The following GABRG2 variants were observed in gnomAD, a reference collection of about 807,000 sequenced individuals.
GABRG2 encodes gamma-aminobutyric acid receptor subunit gamma-2.
GABRG2 carries 16 observed loss-of-function variants against 56.4 expected under a neutral mutation model. The observed-to-expected ratio is 0.28, with a 90% CI of 0.19 to 0.43. The LOEUF (loss-of-function observed/expected upper bound fraction) is 0.43, where lower values mean the gene tolerates loss of function less well. GABRG2 is among the 20% of genes least tolerant of loss of function. The pLI is 1.00. For synonymous variants in GABRG2, 208 were observed against 205.5 expected (o/e 1.01, Z -0.10); for missense variants, 327 against 582.7 (o/e 0.56, Z 4.52).
chr5:162,147,217 T>C (rs899417059), intron 7 of GABRG2, among the ~76,000 whole-genome samples: 18 of 151,774 alleles, frequency 1.2e-4, no homozygotes, highest in Non-Finnish European at 2.5e-4. Flanking sequence ...TTCTTCCTTC[T>C]TTCTTTCTCT....
chr5:162,070,151 T>C (rs1259117580), intron 1 of GABRG2, among the ~76,000 whole-genome samples: 1 of 152,146 alleles, frequency 6.6e-6, no homozygotes, highest in Non-Finnish European at 1.5e-5. Context: ...AATTTGATGA[T>C]ACATTTTAAT....
intron 6 of GABRG2, among the ~76,000 whole-genome samples, chr5:162,107,358 A>G (rs985973661): frequency 6.6e-6 from 1 of 152,212 alleles, no homozygotes; most frequent in Non-Finnish European, 1.5e-5. Context: ...CTTTAAGTGC[A>G]TATATTTGTG....
chr5:162,087,402 T>C (rs1760208893), intron 1 of GABRG2, among the ~76,000 whole-genome samples: 1 of 152,140 alleles, frequency 6.6e-6, no homozygotes, highest in Non-Finnish European at 1.5e-5. Flanking sequence ...CAGTTTCATG[T>C]GGCTGATCTC....
intron 1 of GABRG2, among the ~76,000 whole-genome samples, chr5:162,093,015 G>C (rs577412437): frequency 2.0e-4 from 31 of 152,220 alleles, no homozygotes; most frequent in African/African-American, 7.5e-4. Flanking sequence ...CCCTTCCAGA[G>C]TCATTCTCAG....
At chr5:162,132,650 C>A (rs1188435480) in intron 6 of GABRG2, among the ~76,000 whole-genome samples, 1 of 151,982 alleles carries the variant, frequency 6.6e-6, no homozygotes, top group Non-Finnish European at 1.5e-5. Flanking sequence ...CTCTGTAGAT[C>A]CCATTTTCTC....
At chr5:162,118,930 G>A (rs374019679) in intron 6 of GABRG2, among the ~76,000 whole-genome samples, 12 of 152,136 alleles carry the variant, frequency 7.9e-5, no homozygotes, top group African/African-American at 1.7e-4. Context: ...GAGGAAGGTC[G>A]TATTGGGATG....
chr5:162,073,549 G>A (rs906243990), intron 1 of GABRG2, among the ~76,000 whole-genome samples: 2 of 151,708 alleles, frequency 1.3e-5, no homozygotes, highest in African/African-American at 2.4e-5. Context: ...GTGAAGCAAC[G>A]ATACTCAATA....
intron 1 of GABRG2, among the ~76,000 whole-genome samples, chr5:162,079,049 G>GT (rs1281760842): frequency 6.6e-6 from 1 of 151,118 alleles, no homozygotes; most frequent in African/African-American, 2.4e-5. Flanking sequence ...GAAATAAAAT[G>GT]AACTCAGTGT....
At chr5:162,080,765 C>G (rs1023351994) in intron 1 of GABRG2, among the ~76,000 whole-genome samples, 12 of 152,104 alleles carry the variant, frequency 7.9e-5, no homozygotes, top group African/African-American at 2.9e-4. Flanking sequence ...TTAGCTTCAT[C>G]AGAGTTATAT....
At chr5:162,151,854 G>A in intron 9 of GABRG2, 101 bp downstream of exon 9, 1 of 1,023,630 alleles carries the variant, frequency 9.8e-7, no homozygotes, top group Non-Finnish European at 1.5e-6. Flanking sequence ...AGACATTTAA[G>A]CATTCTACTA....
At chr5:162,093,245 C>T (rs1332636423) in intron 1 of GABRG2, among the ~76,000 whole-genome samples, 1 of 152,002 alleles carries the variant, frequency 6.6e-6, no homozygotes, top group Non-Finnish European at 1.5e-5. Context: ...GATAAATGAT[C>T]CACCTTTGCC....
Position 162,149,096 on chromosome 5 carries a change from A to G in GABRG2, c.923-12A>G. 6.2e-7 allele frequency: 1 copy of G among 1,612,696 alleles called. No homozygotes were observed. Among genetic ancestry groups the G allele is most frequent in the Admixed American group, 1.7e-5 (1 of 59,992 alleles). On this transcript the variant is annotated splice_polypyrimidine_tract_variant and intron_variant, in intron 7 of 9. Transcript: ENST00000639213. ...GCAATCACATGACCTGTATTATTAC[A>G]CCTCTCTTCAGGTATCACCACTGTC...
chr5:162,118,620 T>C (rs1762784298), intron 6 of GABRG2, among the ~76,000 whole-genome samples: 1 of 152,150 alleles, frequency 6.6e-6, no homozygotes, highest in Admixed American at 6.6e-5. Context: ...TCTATATCTA[T>C]ATCTGTGCCA....
chr5:162,106,582 C>A (rs565711847), intron 6 of GABRG2, among the ~76,000 whole-genome samples: 3 of 152,240 alleles, frequency 2.0e-5, no homozygotes, highest in Non-Finnish European at 4.4e-5. Flanking sequence ...TTACAAGTTT[C>A]TTGGGAAATT....
chr5:162,084,855 G>A (rs1759939386), intron 1 of GABRG2, among the ~76,000 whole-genome samples: 1 of 151,800 alleles, frequency 6.6e-6, no homozygotes, highest in South Asian at 2.1e-4. Flanking sequence ...GTCAATGTGT[G>A]TTTCTGGAGT....
At chr5:162,092,078 C>T (rs993491332) in intron 1 of GABRG2, among the ~76,000 whole-genome samples, 9 of 151,940 alleles carry the variant, frequency 5.9e-5, no homozygotes, top group Non-Finnish European at 1.0e-4. Flanking sequence ...ATTTTCTTTC[C>T]CTAAACCAGT....
intron 1 of GABRG2, among the ~76,000 whole-genome samples, chr5:162,073,252 G>A (rs1758818510): frequency 6.6e-6 from 1 of 151,236 alleles, no homozygotes; most frequent in South Asian, 2.1e-4. Context: ...ATGCTTAGCA[G>A]CAGTCTGAAA....
At chr5:162,068,926 A>G (rs1758450959) in intron 1 of GABRG2, among the ~76,000 whole-genome samples, 2 of 152,164 alleles carry the variant, frequency 1.3e-5, no homozygotes. Flanking sequence ...ATACGTCTGG[A>G]AAAGAGTTGG....
At chr5:162,124,040 T>C (rs1763150029) in intron 6 of GABRG2, among the ~76,000 whole-genome samples, 1 of 151,760 alleles carries the variant, frequency 6.6e-6, no homozygotes, top group Admixed American at 6.6e-5. Flanking sequence ...CAATGCTCAG[T>C]AGAGGGCCTG....
Sources: gnomAD v4.1 joint callset for allele counts (sites outside exome capture counted in the v4.1 genomes callset) on GRCh38, gnomAD v4.1.1 for gene constraint, MANE v1.5 for transcripts, NCBI Gene and HGNC (gene_info 2026-07-23, HGNC 2026-07-21) for gene names.